The following GLI3 variants were observed in gnomAD, a reference collection of about 807,000 sequenced individuals.
GLI3 encodes the protein transcription activator GLI3.
Under a neutral mutation model 100.8 loss-of-function variants are expected in GLI3, and 20 were observed. That is an observed-to-expected ratio of 0.20 (90% confidence interval 0.14 to 0.29). The LOEUF (loss-of-function observed/expected upper bound fraction) is 0.29. Among genes scored for constraint, GLI3 ranks in the 10% least tolerant of loss-of-function variants. The pLI is 1.00. For missense variants in GLI3, 2,040 were observed against 2,128.5 expected, an observed-to-expected ratio of 0.96 and a Z score of 0.82; for synonymous variants, 938 against 860.5, an observed-to-expected ratio of 1.09 and a Z score of -1.58.
chr7:41,963,926 C>CCGTATCATTA lies in GLI3; in HGVS notation c.*403_*404insTAATGATACG. The CCGTATCATTA allele has an allele frequency of 4.0e-5, 7 of 176,714 alleles. No homozygotes were observed. Among genetic ancestry groups the CCGTATCATTA allele is most frequent in the South Asian group, 2.5e-4 (2 of 8,004 alleles). The allele number at this position is 176,714 out of a possible 1,614,324, so 10.9% of individuals were successfully genotyped here. ...AGCTGGAAGTGTAACCCCTTGGTCA[C>CCGTATCATTA]AAGCACACCAACTCCTATTTCCTTT... On this transcript the variant is annotated 3_prime_UTR_variant, in exon 15 of 15. Transcript: ENST00000395925.
At chr7:42,252,920 T>C (rs188421319) in intron 1 of GLI3, among the ~76,000 whole-genome samples, 36 of 152,314 alleles carry the variant, frequency 2.4e-4, no homozygotes, top group African/African-American at 8.2e-4. Context: ...ATTTAAAATG[T>C]TTTATTTTGC....
At chr7:42,098,833 G>C (rs846280) in intron 3 of GLI3, among the ~76,000 whole-genome samples, 77,334 of 151,902 alleles carry the variant, frequency 0.51, 21,373 homozygotes, top group African/African-American at 0.74. Flanking sequence ...TCCTGCTTGG[G>C]TACAGAGAGG....
At chr7:42,224,206 A>G (rs1220967274) in intron 1 of GLI3, among the ~76,000 whole-genome samples, 2 of 152,174 alleles carry the variant, frequency 1.3e-5, no homozygotes, top group Non-Finnish European at 2.9e-5. Flanking sequence ...CCTCTCTAGC[A>G]TGTTTTCTTC....
intron 2 of GLI3, among the ~76,000 whole-genome samples, chr7:42,194,175 A>G (rs1787881130): frequency 6.6e-6 from 1 of 151,996 alleles, no homozygotes; most frequent in South Asian, 2.1e-4. Flanking sequence ...GCTCACACCA[A>G]CTCTATTTGT....
intron 2 of GLI3, among the ~76,000 whole-genome samples, chr7:42,193,617 G>T (rs1273746767): frequency 6.6e-6 from 1 of 152,178 alleles, no homozygotes; most frequent in Admixed American, 6.5e-5. Flanking sequence ...TGACTTTGAT[G>T]AAGAACTATC....
intron 2 of GLI3, among the ~76,000 whole-genome samples, chr7:42,160,110 T>A (rs1787097802): frequency 6.6e-6 from 1 of 152,164 alleles, no homozygotes; most frequent in African/African-American, 2.4e-5. Flanking sequence ...TTGCCCCTCT[T>A]ACTTCATAGG....
chr7:42,228,395 G>C (rs1053826011), intron 1 of GLI3, among the ~76,000 whole-genome samples: 2 of 152,212 alleles, frequency 1.3e-5, no homozygotes, highest in Admixed American at 6.5e-5. Flanking sequence ...GGGGCCATGT[G>C]GGGGTGGGGA....
chr7:42,163,244 C>T (rs997444942), intron 2 of GLI3, among the ~76,000 whole-genome samples: 1 of 151,808 alleles, frequency 6.6e-6, no homozygotes, highest in Non-Finnish European at 1.5e-5. Context: ...TCTATCTCAC[C>T]TCTGCTTGTC....
chr7:42,182,812 C>T (rs2128683495), intron 2 of GLI3, among the ~76,000 whole-genome samples: 1 of 151,252 alleles, frequency 6.6e-6, no homozygotes, highest in Middle Eastern at 3.4e-3. Flanking sequence ...ATGGCTCATG[C>T]CTGTAATCCC....
intron 10 of GLI3, among the ~76,000 whole-genome samples, chr7:41,991,389 T>C (rs1168178657): frequency 6.6e-6 from 1 of 152,116 alleles, no homozygotes; most frequent in African/African-American, 2.4e-5. Flanking sequence ...AAGTATCAAC[T>C]CTATCATTTT....
intron 3 of GLI3, among the ~76,000 whole-genome samples, chr7:42,103,668 C>T (rs1329699893): frequency 6.6e-6 from 1 of 152,148 alleles, no homozygotes; most frequent in African/African-American, 2.4e-5. Context: ...TTTCACATTC[C>T]AGTGACGTAG....
At chr7:42,022,588 G>A (rs1278607974) in intron 10 of GLI3, among the ~76,000 whole-genome samples, 1 of 152,152 alleles carries the variant, frequency 6.6e-6, no homozygotes, top group African/African-American at 2.4e-5. Context: ...CACACTTAAT[G>A]CCTCAACAAG....
At chr7:42,092,971 G>A (rs1785258383) in intron 3 of GLI3, among the ~76,000 whole-genome samples, 2 of 151,566 alleles carry the variant, frequency 1.3e-5, no homozygotes, top group Admixed American at 6.6e-5. Context: ...CCGCCACCAC[G>A]CCTGGCTAAT....
Position 41,978,680 on chromosome 7 carries a change from T to C in GLI3, c.1566A>G (p.Arg522=), listed in dbSNP as rs940310761. 1 of 1,613,026 alleles carries C rather than the reference T, an allele frequency of 6.2e-7. No homozygotes were observed. Residue 522 remains arginine, a synonymous_variant, in exon 11 of 15, where the codon AGA becomes AGG. Coordinates refer to ENST00000395925, the MANE Select transcript of GLI3 (RefSeq NM_000168.6). ...ACTGGGCTTTGAAGGGTTTCTGCTC[T>C]CTTGAGCAGTCCAGCCACCTGCACA... ...EFVCRWLDCS[R]EQKPFKAQYM...
rs1392381018 is a variant in GLI3, at chr7:41,962,826, G to A, written c.*1504C>T. The A allele has an allele frequency of 6.6e-6, 1 of 152,142 alleles. No individual in the cohort carries two copies. Among genetic ancestry groups the A allele is most frequent in the Non-Finnish European group, 1.5e-5 (1 of 68,030 alleles). The allele number at this position is 152,142 out of a possible 1,614,324, so 9.4% of individuals were successfully genotyped here. A position where few individuals can be genotyped will look rare whatever the true frequency, so the allele number is the denominator to read the frequency against. ...ACTTGCAGTAAATCCAATTCCAGGG[G>A]TCAATGGGACAGAATACAGCAGGTA... On this transcript the variant is annotated 3_prime_UTR_variant, in exon 15 of 15. Transcript: ENST00000395925.
At chr7:42,242,932 A>C (rs539829554) in intron 1 of GLI3, among the ~76,000 whole-genome samples, 2 of 152,326 alleles carry the variant, frequency 1.3e-5, no homozygotes, top group Admixed American at 1.3e-4. Context: ...GGGATATTTC[A>C]AGGAAAGACA....
intron 3 of GLI3, among the ~76,000 whole-genome samples, chr7:42,082,926 T>C (rs1785027389): frequency 6.6e-6 from 1 of 152,190 alleles, no homozygotes; most frequent in Non-Finnish European, 1.5e-5. Context: ...AGGTACATAG[T>C]AGATGTACAT....
chr7:42,223,442 GC>G, intron 1 of GLI3, 147 bp from the exon 2 acceptor site: 4 of 522,596 alleles, frequency 7.7e-6, no homozygotes, highest in Non-Finnish European at 6.8e-6. Context: ...AGGTTTTCTG[GC>G]AAAAAAAAAA....
At chr7:42,072,217 G>A (rs989490715) in intron 4 of GLI3, among the ~76,000 whole-genome samples, 5 of 152,168 alleles carry the variant, frequency 3.3e-5, no homozygotes, top group African/African-American at 9.7e-5. Context: ...AGTAACCAAG[G>A]ACCCTGCTTT....
Sources: gnomAD v4.1 joint callset for allele counts (sites outside exome capture counted in the v4.1 genomes callset) on GRCh38, gnomAD v4.1.1 for gene constraint, MANE v1.5 for transcripts, NCBI Gene and HGNC (gene_info 2026-07-23, HGNC 2026-07-21) for gene names.